Variants in CTNNBL1 observed in about 807,000 individuals in gnomAD.
CTNNBL1 encodes the protein catenin beta like 1, also known as beta-catenin-like protein 1.
A neutral mutation model predicts 72.7 loss-of-function variants in CTNNBL1; 31 were observed. The ratio of observed to expected loss-of-function variants is 0.43; its 90% CI spans 0.32 to 0.58. CTNNBL1 has a LOEUF of 0.58. Ranked by LOEUF, CTNNBL1 falls within the 20% of genes least tolerant of loss-of-function variation. The pLI is 0.08. For synonymous variants in CTNNBL1, 240 were observed against 267.3 expected, an observed-to-expected ratio of 0.90 and a Z score of 1.00; for missense variants, 534 against 725.1, an observed-to-expected ratio of 0.74 and a Z score of 3.03.
rs1272725139 is a variant in CTNNBL1 at position 37,822,604 on chromosome 20, T to C, written c.1214-17498T>C. On this transcript the variant is annotated intron_variant, in intron 11 of 15. Transcript: ENST00000361383. The stretch of plus-strand genomic sequence containing the variant: ...CAACTCATTCTGCTAAGCAGCGCCC[T>C]GGAAAGTTGGGTGCTAGTAAATTTA... Among the ~76,000 whole-genome samples, 4 of 152,220 alleles carry C rather than the reference T, an allele frequency of 2.6e-5. No individual in the cohort carries two copies. In the East Asian group the frequency reaches 7.7e-4, roughly 29 times the overall value.
At chr20:37,721,709 A>G (rs1652383997) in intron 1 of CTNNBL1, among the ~76,000 whole-genome samples, 1 of 152,206 alleles carries the variant, frequency 6.6e-6, no homozygotes, top group East Asian at 1.9e-4. Context: ...CAGTATCCTG[A>G]ATTTGGTGAT....
At chr20:37,795,745 T>C (rs1180972115) in intron 10 of CTNNBL1, among the ~76,000 whole-genome samples, 1 of 152,186 alleles carries the variant, frequency 6.6e-6, no homozygotes, top group African/African-American at 2.4e-5. Context: ...GTAGTTATAA[T>C]TATGCTTTTA....
At chr20:37,752,809 A>C (rs544790665) in intron 4 of CTNNBL1, among the ~76,000 whole-genome samples, 1 of 152,196 alleles carries the variant, frequency 6.6e-6, no homozygotes, top group Admixed American at 6.5e-5. Flanking sequence ...GGACAGGTAC[A>C]GAGGGAGTGC....
At position 37,732,984 on chromosome 20, in the gene CTNNBL1, A is replaced by T; in HGVS notation, c.136A>T (p.Met46Leu). ...RERGRYREEE[M>L]TVVEEADDDK... ...ACGCGGCCGCTATCGGGAAGAAGAA[A>T]TGACTGTGGTGGAGGAAGCGGATGA... The change falls in exon 2 of 16, where the codon ATG becomes TTG. Residue 46 changes from methionine (M) to leucine (L), a missense_variant. Coordinates refer to ENST00000361383, the MANE Select transcript of CTNNBL1 (RefSeq NM_030877.5). 1 of 1,614,064 alleles carries T rather than the reference A, an allele frequency of 6.2e-7. No homozygotes were observed.
chr20:37,849,993 C>T (rs1198591283), intron 13 of CTNNBL1, among the ~76,000 whole-genome samples: 1 of 152,202 alleles, frequency 6.6e-6, no homozygotes, highest in Non-Finnish European at 1.5e-5. Context: ...GCTATTATTA[C>T]AAGTATTTTG....
chr20:37,714,070 C>A (rs1170749539), intron 1 of CTNNBL1, among the ~76,000 whole-genome samples: 2 of 133,412 alleles, frequency 1.5e-5, no homozygotes, highest in Non-Finnish European at 3.5e-5. Flanking sequence ...ATGAAGTACT[C>A]TAAAAAAAAA....
At chr20:37,769,167 G>T (rs760352733) in intron 7 of CTNNBL1, among the ~76,000 whole-genome samples, 91 of 152,190 alleles carry the variant, frequency 6.0e-4, no homozygotes, top group Non-Finnish European at 5.1e-4. Flanking sequence ...TCCACTGGGG[G>T]CCTTGGATCC....
chr20:37,838,003 G>A (rs1460264312), intron 11 of CTNNBL1, among the ~76,000 whole-genome samples: 1 of 152,238 alleles, frequency 6.6e-6, no homozygotes, highest in East Asian at 1.9e-4. Context: ...ATAGCCATGT[G>A]AGGCATTGCA....
chr20:37,708,419 A>G (rs550658435), intron 1 of CTNNBL1, among the ~76,000 whole-genome samples: 42 of 152,140 alleles, frequency 2.8e-4, no homozygotes, highest in African/African-American at 1.0e-3. Context: ...TGATCTGCCC[A>G]CCTCAGCCTC....
chr20:37,813,785 G>A (rs912248105), intron 11 of CTNNBL1, among the ~76,000 whole-genome samples: 1 of 152,196 alleles, frequency 6.6e-6, no homozygotes, highest in African/African-American at 2.4e-5. Flanking sequence ...AGAAACAAAA[G>A]TAGAGAAATA....
intron 1 of CTNNBL1, among the ~76,000 whole-genome samples, chr20:37,712,937 T>A (rs1056614596): frequency 5.9e-5 from 9 of 152,238 alleles, no homozygotes; most frequent in South Asian, 4.1e-4. Context: ...GCAAATTTTT[T>A]AAAAAATGGC....
chr20:37,853,556 C>T (rs1041557074), intron 13 of CTNNBL1, among the ~76,000 whole-genome samples: 5 of 152,190 alleles, frequency 3.3e-5, no homozygotes, highest in East Asian at 1.9e-4. Context: ...GGAATCATCT[C>T]GAGTCCTTAT....
chr20:37,805,409 C>CT (rs11086324), intron 11 of CTNNBL1, among the ~76,000 whole-genome samples: 31 of 121,576 alleles, frequency 2.5e-4, no homozygotes, highest in South Asian at 1.1e-3. Flanking sequence ...TTTTTTTTTC[C>CT]TTTTTTTTTT....
chr20:37,842,104 C>G, intron 12 of CTNNBL1: 2 of 443,544 alleles, frequency 4.5e-6, no homozygotes, highest in Non-Finnish European at 4.0e-6. Flanking sequence ...AGCCTCCTTT[C>G]GGGAATGGGC....
chr20:37,737,679 G>A (rs899985049), intron 3 of CTNNBL1, among the ~76,000 whole-genome samples, 195 bp downstream of exon 3: 1 of 152,178 alleles, frequency 6.6e-6, no homozygotes, highest in African/African-American at 2.4e-5. Context: ...ATTACACAGG[G>A]CACACAACAG....
intron 11 of CTNNBL1, among the ~76,000 whole-genome samples, chr20:37,839,348 C>T (rs2072281906): frequency 6.6e-6 from 1 of 152,128 alleles, no homozygotes; most frequent in Non-Finnish European, 1.5e-5. Context: ...AAACTTTGTT[C>T]TGCCATTTCT....
intron 1 of CTNNBL1, among the ~76,000 whole-genome samples, chr20:37,717,492 A>G (rs1273606160): frequency 1.3e-5 from 2 of 152,232 alleles, no homozygotes; most frequent in African/African-American, 4.8e-5. Context: ...ATAATTTTAA[A>G]TAGCTTTCCC....
At chr20:37,801,812 C>T (rs1159947059) in intron 10 of CTNNBL1, among the ~76,000 whole-genome samples, 1 of 152,186 alleles carries the variant, frequency 6.6e-6, no homozygotes, top group Non-Finnish European at 1.5e-5. Context: ...TTTTCACTCT[C>T]ATCACTGCTA....
intron 10 of CTNNBL1, among the ~76,000 whole-genome samples, chr20:37,779,561 A>G (rs189117619): frequency 1.3e-5 from 2 of 152,058 alleles, no homozygotes; most frequent in East Asian, 3.9e-4. Context: ...TTTGTGCCCT[A>G]CTGTGGTGGT....
Sources: allele counts gnomAD v4.1 joint callset (sites outside exome capture counted in the v4.1 genomes callset), GRCh38; gene constraint gnomAD v4.1.1; transcripts MANE v1.5; gene names NCBI Gene and HGNC (gene_info 2026-07-23, HGNC 2026-07-21).